The following CDKAL1 variants were observed in gnomAD, a reference collection of about 807,000 sequenced individuals.
CDKAL1 encodes the protein CDKAL1 threonylcarbamoyladenosine tRNA methylthiotransferase, also known as threonylcarbamoyladenosine tRNA methylthiotransferase.
CDKAL1 carries 32 observed loss-of-function variants against 68.2 expected under a neutral mutation model. The ratio of observed to expected loss-of-function variants is 0.47; its 90% confidence interval spans 0.35 to 0.63. The LOEUF is 0.63. CDKAL1 is among the 30% of genes least tolerant of loss of function. The pLI, the probability that CDKAL1 is intolerant of heterozygous loss-of-function variation, is 0.00. For missense variants in CDKAL1, 606 were observed against 696.7 expected, an observed-to-expected ratio of 0.87 and a Z score of 1.47; for synonymous variants, 234 against 244.3, an observed-to-expected ratio of 0.96 and a Z score of 0.39.
At chr6:20,874,950 A>G (rs1760422648) in intron 9 of CDKAL1, among the ~76,000 whole-genome samples, 1 of 152,164 alleles carries the variant, frequency 6.6e-6, no homozygotes, top group African/African-American at 2.4e-5. Context: ...AGGTTGTGTC[A>G]AAAAACTTGA....
chr6:21,071,568 C>T (rs1263901883), intron 12 of CDKAL1, among the ~76,000 whole-genome samples: 1 of 152,176 alleles, frequency 6.6e-6, no homozygotes, highest in Admixed American at 6.5e-5. Context: ...ATTTGGATCT[C>T]ATATTGGTTC....
chr6:20,842,500 TG>T (rs1194859090), intron 8 of CDKAL1, among the ~76,000 whole-genome samples: 1 of 152,242 alleles, frequency 6.6e-6, no homozygotes, highest in Non-Finnish European at 1.5e-5. Flanking sequence ...GTGGATAGGA[TG>T]AACCCGTCTT....
At chr6:20,956,802 TAATG>T (rs1764797565) in intron 10 of CDKAL1, among the ~76,000 whole-genome samples, 2 of 152,130 alleles carry the variant, frequency 1.3e-5, no homozygotes, top group African/African-American at 4.8e-5. Context: ...TATAAATACA[TAATG>T]AGGGAGTTTA....
At chr6:20,808,599 G>T (rs1196679263) in intron 8 of CDKAL1, among the ~76,000 whole-genome samples, 1 of 151,930 alleles carries the variant, frequency 6.6e-6, no homozygotes, top group Non-Finnish European at 1.5e-5. Context: ...AGATAAGTTA[G>T]TTGAATTTTG....
chr6:20,973,513 G>A (rs1484272902), intron 10 of CDKAL1, among the ~76,000 whole-genome samples: 1 of 152,288 alleles, frequency 6.6e-6, no homozygotes, highest in Non-Finnish European at 1.5e-5. Flanking sequence ...GTGAACAGCA[G>A]TAGAGGCATG....
intron 11 of CDKAL1, among the ~76,000 whole-genome samples, chr6:21,031,962 T>A (rs182258289): frequency 1.6e-3 from 247 of 152,258 alleles, no homozygotes; most frequent in African/African-American, 5.6e-3. Context: ...TACCTCACTT[T>A]CATTCAACAG....
rs1400264648 is a variant in CDKAL1 at position 20,974,594 on chromosome 6, C to T, written c.909+19009C>T. Among the ~76,000 whole-genome samples, 11 of 152,126 alleles carry T rather than the reference C, an allele frequency of 7.2e-5. No homozygotes were observed. The East Asian group carries it at 7.7e-4, about 11-fold the overall frequency. On this transcript the variant is annotated intron_variant, in intron 10 of 15. Transcript: ENST00000274695. ...TACAAATAATATATAACATTGATAT[C>T]GTAAGGTTTCTATTTTTCTGGATTT...
At chr6:21,011,031 G>A (rs1381916588) in intron 11 of CDKAL1, among the ~76,000 whole-genome samples, 7 of 146,086 alleles carry the variant, frequency 4.8e-5, no homozygotes, top group South Asian at 2.2e-4. Context: ...GCAGTTAGCC[G>A]AGATCGCACC....
intron 9 of CDKAL1, among the ~76,000 whole-genome samples, chr6:20,945,821 T>G (rs1009326684): frequency 1.3e-5 from 2 of 152,340 alleles, no homozygotes; most frequent in East Asian, 3.9e-4. Context: ...TTATTTCTAT[T>G]TACATTTGTG....
At chr6:20,659,434 C>T (rs2127769449) in intron 5 of CDKAL1, among the ~76,000 whole-genome samples, 1 of 152,172 alleles carries the variant, frequency 6.6e-6, no homozygotes, top group Non-Finnish European at 1.5e-5. Flanking sequence ...TTCAGCTATC[C>T]TTGCCCACCA....
chr6:21,195,536 G>A (rs566771956), intron 13 of CDKAL1, among the ~76,000 whole-genome samples: 1 of 143,124 alleles, frequency 7.0e-6, no homozygotes, highest in Non-Finnish European at 1.5e-5. Flanking sequence ...TTTGAGACAG[G>A]GTCTTATTCA....
intron 8 of CDKAL1, among the ~76,000 whole-genome samples, chr6:20,807,833 C>T (rs141094901): frequency 4.7e-4 from 71 of 152,284 alleles, no homozygotes; most frequent in African/African-American, 1.7e-3. Flanking sequence ...ATTCTGAGCT[C>T]AAACTACAGC....
At chr6:20,754,142 G>C (rs1774063977) in intron 6 of CDKAL1, among the ~76,000 whole-genome samples, 1 of 152,100 alleles carries the variant, frequency 6.6e-6, no homozygotes, top group Non-Finnish European at 1.5e-5. Context: ...ACTGTGCCCA[G>C]CTAATTTTTA....
chr6:20,822,686 T>G (rs143779621), intron 8 of CDKAL1, among the ~76,000 whole-genome samples: 31 of 152,284 alleles, frequency 2.0e-4, no homozygotes, highest in African/African-American at 7.5e-4. Flanking sequence ...GTTCTCATGA[T>G]AGTGAGTGAG....
intron 4 of CDKAL1, among the ~76,000 whole-genome samples, chr6:20,576,426 A>G (rs1208630040): frequency 6.6e-6 from 1 of 152,228 alleles, no homozygotes; most frequent in African/African-American, 2.4e-5. Flanking sequence ...GAATAGGAGA[A>G]CAATTGGTGT....
intron 9 of CDKAL1, among the ~76,000 whole-genome samples, chr6:20,866,093 C>A (rs1759893365): frequency 6.6e-6 from 1 of 152,068 alleles, no homozygotes; most frequent in South Asian, 2.1e-4. Flanking sequence ...AAAAAATAAA[C>A]CTACTTTTGT....
rs112028044 is a variant in CDKAL1 at position 20,599,286 on chromosome 6, G to C, written c.287-50007G>C. 9.6e-4 allele frequency: 411 copies of C among 426,748 alleles called. 2 individuals carry two copies. Among genetic ancestry groups the C allele is most frequent in the South Asian group, 2.6e-3 (149 of 58,160 alleles). The allele number at this position is 426,748 out of a possible 1,614,324, so 26.4% of individuals were successfully genotyped here. Reference sequence around the variant, plus strand: ...AAGTAATAGATAATAAGTGTTAGATGTCAGATAATAACTTGTAAAGAATAA... The same window carrying C: ...AAGTAATAGATAATAAGTGTTAGATCTCAGATAATAACTTGTAAAGAATAA... On this transcript the variant is annotated intron_variant, in intron 4 of 15. Transcript: ENST00000274695.
chr6:20,923,173 C>T (rs144247882), intron 9 of CDKAL1, among the ~76,000 whole-genome samples: 8 of 152,222 alleles, frequency 5.3e-5, no homozygotes, highest in African/African-American at 1.2e-4. Context: ...CTCCAGCCTC[C>T]GCCTCCCAAA....
chr6:21,129,391 A>G (rs1347494533), intron 13 of CDKAL1, among the ~76,000 whole-genome samples: 1 of 152,116 alleles, frequency 6.6e-6, no homozygotes, highest in African/African-American at 2.4e-5. Flanking sequence ...GCCAATTAAA[A>G]TTTTCTGTTG....
Sources: allele counts gnomAD v4.1 joint callset (sites outside exome capture counted in the v4.1 genomes callset), GRCh38; gene constraint gnomAD v4.1.1; transcripts MANE v1.5; gene names NCBI Gene and HGNC (gene_info 2026-07-23, HGNC 2026-07-21).